Variants in RGS7 observed in about 807,000 individuals in gnomAD.
RGS7 encodes the protein regulator of G-protein signaling 7.
RGS7 carries 27 observed loss-of-function variants against 81.1 expected under a neutral mutation model. The ratio of observed to expected loss-of-function variants is 0.33; its 90% CI spans 0.25 to 0.46. The LOEUF (loss-of-function observed/expected upper bound fraction) is 0.46, where lower values mean the gene tolerates loss of function less well. Ranked by LOEUF, RGS7 falls within the 20% of genes least tolerant of loss-of-function variation. The probability of loss-of-function intolerance (pLI) is 1.00; values close to 1 mark genes in which losing one functional copy is unlikely to be tolerated. For missense variants in RGS7, 396 were observed against 607.4 expected (o/e 0.65, Z 3.66); for synonymous variants, 208 against 207.7 (o/e 1.00, Z -0.01).
chr1:241,179,131 G>A (rs931969723), intron 2 of RGS7, among the ~76,000 whole-genome samples: 5 of 152,174 alleles, frequency 3.3e-5, no homozygotes, highest in Non-Finnish European at 7.3e-5. Context: ...GTCTCACTCT[G>A]TGGCCCAGAT....
At chr1:240,908,176 C>T (rs1160853942) in intron 6 of RGS7, among the ~76,000 whole-genome samples, 1 of 129,552 alleles carries the variant, frequency 7.7e-6, no homozygotes, top group Non-Finnish European at 1.5e-5. Context: ...GGGCGAGGAA[C>T]ATCACACACC....
intron 2 of RGS7, among the ~76,000 whole-genome samples, chr1:241,270,652 T>A (rs1483985782): frequency 6.6e-6 from 1 of 152,132 alleles, no homozygotes; most frequent in Admixed American, 6.5e-5. Context: ...TCTAGTAAGT[T>A]TTCTTTTCTC....
intron 6 of RGS7, chr1:240,920,497 G>T: frequency 1.1e-6 from 1 of 894,398 alleles, no homozygotes; most frequent in Non-Finnish European, 1.9e-6. Context: ...AACTTTGGAG[G>T]CAGAAGCTCT....
intron 6 of RGS7, among the ~76,000 whole-genome samples, chr1:240,889,108 C>A (rs1667857111): frequency 6.6e-6 from 1 of 152,108 alleles, no homozygotes; most frequent in Admixed American, 6.5e-5. Flanking sequence ...AGGCGCCCGC[C>A]ACCACGCCCG....
At chr1:241,047,250 C>T (rs777882013) in intron 3 of RGS7, among the ~76,000 whole-genome samples, 6 of 152,184 alleles carry the variant, frequency 3.9e-5, no homozygotes, top group Non-Finnish European at 7.3e-5. Context: ...TTCTGGGAAA[C>T]ATAGGATGCT....
chr1:241,191,430 A>G (rs1338928385), intron 2 of RGS7, among the ~76,000 whole-genome samples: 3 of 152,242 alleles, frequency 2.0e-5, no homozygotes, highest in African/African-American at 7.2e-5. Flanking sequence ...TTTTCAAACA[A>G]TGAATCATCC....
chr1:241,217,328 G>T (rs2074629385), intron 2 of RGS7, among the ~76,000 whole-genome samples: 1 of 152,196 alleles, frequency 6.6e-6, no homozygotes, highest in Non-Finnish European at 1.5e-5. Context: ...TTTCAGAACT[G>T]TGAGAAAATA....
intron 9 of RGS7, among the ~76,000 whole-genome samples, chr1:240,840,250 T>A (rs953744477): frequency 6.6e-6 from 1 of 152,046 alleles, no homozygotes; most frequent in Non-Finnish European, 1.5e-5. Context: ...CACCTTGCCA[T>A]GCTCTACGAG....
At chr1:241,086,116 GTAT>G (rs1191576610) in intron 3 of RGS7, among the ~76,000 whole-genome samples, 1 of 152,178 alleles carries the variant, frequency 6.6e-6, no homozygotes, top group Non-Finnish European at 1.5e-5. Context: ...GGTATCTCAT[GTAT>G]TCATTGGTTT....
chr1:241,151,739 T>C (rs1027113518), intron 2 of RGS7, among the ~76,000 whole-genome samples: 7 of 152,208 alleles, frequency 4.6e-5, no homozygotes, highest in Admixed American at 6.5e-5. Flanking sequence ...TCCATTTCCA[T>C]TGTATTGCTA....
chr1:241,222,848 T>C (rs946777358), intron 2 of RGS7, among the ~76,000 whole-genome samples: 5 of 140,218 alleles, frequency 3.6e-5, no homozygotes, highest in African/African-American at 1.4e-4. Flanking sequence ...TGGTGTGTGA[T>C]GTTCCCCTCC....
intron 2 of RGS7, among the ~76,000 whole-genome samples, chr1:241,124,341 A>C (rs887770336): frequency 6.6e-6 from 1 of 151,784 alleles, no homozygotes; most frequent in African/African-American, 2.4e-5. Context: ...GCTGCAGTGA[A>C]CTCCATTGCA....
chr1:240,963,633 T>G (rs1480072158), intron 4 of RGS7, among the ~76,000 whole-genome samples: 1 of 152,102 alleles, frequency 6.6e-6, no homozygotes, highest in Non-Finnish European at 1.5e-5. Context: ...GGTTTCAGTG[T>G]ATAAGTGGGG....
At chr1:241,233,992 G>C (rs150163331) in intron 2 of RGS7, among the ~76,000 whole-genome samples, 4 of 151,954 alleles carry the variant, frequency 2.6e-5, no homozygotes, top group East Asian at 3.9e-4. Flanking sequence ...TTCTTTAATC[G>C]TGAGCACTGA....
intron 2 of RGS7, among the ~76,000 whole-genome samples, chr1:241,309,963 G>A (rs2148549097): frequency 6.6e-6 from 1 of 152,354 alleles, no homozygotes; most frequent in Non-Finnish European, 1.5e-5. Context: ...AACTGGCAGA[G>A]TATCCTGAAT....
chr1:240,864,893 A>G (rs1026399925), intron 9 of RGS7, among the ~76,000 whole-genome samples: 2 of 152,172 alleles, frequency 1.3e-5, no homozygotes, highest in African/African-American at 4.8e-5. Context: ...TGTGAGATTC[A>G]TAGATGTCAT....
intron 9 of RGS7, among the ~76,000 whole-genome samples, chr1:240,848,326 GTGAT>G (rs1286204975): frequency 1.3e-5 from 2 of 152,126 alleles, no homozygotes; most frequent in Non-Finnish European, 2.9e-5. Context: ...ATTTTATTAA[GTGAT>G]TGGTGTCCTA....
intron 2 of RGS7, among the ~76,000 whole-genome samples, chr1:241,262,739 G>C (rs112980966): frequency 6.6e-6 from 1 of 152,226 alleles, no homozygotes; most frequent in Admixed American, 6.5e-5. Context: ...TCATGGTTAC[G>C]GGTAGTCTCT....
At chr1:241,025,669 C>T (rs1417246399) in intron 3 of RGS7, among the ~76,000 whole-genome samples, 4 of 150,038 alleles carry the variant, frequency 2.7e-5, no homozygotes, top group Admixed American at 2.0e-4. Flanking sequence ...AGAGATGAAA[C>T]ATGTACAAAA....
Sources: allele counts gnomAD v4.1 joint callset (sites outside exome capture counted in the v4.1 genomes callset), GRCh38; gene constraint gnomAD v4.1.1; transcripts MANE v1.5; gene names NCBI Gene and HGNC (gene_info 2026-07-23, HGNC 2026-07-21).